Variants in NFIX observed in about 807,000 individuals in gnomAD.
NFIX encodes nuclear factor 1 X-type.
A neutral mutation model predicts 53.3 loss-of-function variants in NFIX; 2 were observed. The observed-to-expected ratio is 0.04, with a 90% confidence interval of 0.02 to 0.12. NFIX has a LOEUF of 0.12. Ranked by LOEUF, NFIX falls within the 10% of genes least tolerant of loss-of-function variation. The probability of loss-of-function intolerance (pLI) is 1.00; values close to 1 mark genes in which losing one functional copy is unlikely to be tolerated. For synonymous variants in NFIX, 244 were observed against 289.0 expected (o/e 0.84, Z 1.58); for missense variants, 310 against 674.5 (o/e 0.46, Z 5.99).
Position 13,036,012 on chromosome 19 carries a change from T to G in NFIX, c.559+10460T>G, listed in dbSNP as rs913271581. The stretch of plus-strand genomic sequence containing the variant: ...TGTACTGGTGTCTGAGTGGTTAGGA[T>G]CCCACTCTGGGGGATTCCTGCTGGT... On this transcript the variant is annotated intron_variant, in intron 2 of 10. Transcript: ENST00000592199. The surrounding 1 kb of genome is among the most constrained non-coding windows in gnomAD (Gnocchi z 4.7). Among the ~76,000 whole-genome samples, 7 of 152,168 alleles carry G rather than the reference T, an allele frequency of 4.6e-5. No individual in the cohort carries two copies. Among genetic ancestry groups the G allele is most frequent in the African/African-American group, 1.7e-4 (7 of 41,446 alleles).
chr19:13,024,770 G>A lies in NFIX; in HGVS notation c.28-251G>A. On this transcript the variant is annotated intron_variant, in intron 1 of 10. Coordinates refer to ENST00000592199, the MANE Select transcript of NFIX (RefSeq NM_001365902.3). ...AGAATAGGTGTGTGTAGAGGCTCCC[G>A]GTGCCTCTGTCTGGCTGCTGAGGCT... 4 of 1,508,102 alleles carry A rather than the reference G, an allele frequency of 2.7e-6. No homozygotes were observed. The East Asian group carries it at 7.4e-5, about 28-fold the overall frequency. The allele number at this position is 1,508,102 out of a possible 1,614,324, so 93.4% of individuals were successfully genotyped here.
chr19:13,025,565 C>A lies in NFIX; in HGVS notation c.559+13C>A. The A allele has an allele frequency of 6.3e-7, 1 of 1,597,848 alleles. No homozygotes were observed. Among genetic ancestry groups the A allele is most frequent in the South Asian group, 1.1e-5 (1 of 90,748 alleles). ...GTCCACACTCCGGGTAGGTCGTTCT[C>A]AACCATTTTTCCCTCTCATTTTATT... On this transcript the variant is annotated intron_variant, in intron 2 of 10. Coordinates refer to ENST00000592199, the MANE Select transcript of NFIX (RefSeq NM_001365902.3). This position sits in a 1 kb window ranked among gnomAD's most constrained non-coding sequence, Gnocchi z 7.5.
At chr19:13,039,230 A>C (rs55935906) in intron 2 of NFIX, among the ~76,000 whole-genome samples, 7,369 of 131,534 alleles carry the variant, frequency 0.056, 675 homozygotes, top group African/African-American at 0.25. Flanking sequence ...ACCCCCCCCC[A>C]CACACACACA....
chr19:13,003,350 C>T (rs922819756), intron 1 of NFIX, among the ~76,000 whole-genome samples: 14 of 152,162 alleles, frequency 9.2e-5, no homozygotes, highest in Non-Finnish European at 1.5e-4. Flanking sequence ...ACACGGGACA[C>T]GCGCAGTCAC....
Position 13,011,508 on chromosome 19 carries a change from G to A in NFIX, c.28-13513G>A, listed in dbSNP as rs1160508259. Among the ~76,000 whole-genome samples, 2 of 152,112 alleles carry A rather than the reference G, an allele frequency of 1.3e-5. No homozygotes were observed. The highest frequency in any genetic ancestry group is 2.9e-5 in the Non-Finnish European group (2 of 68,012). On this transcript the variant is annotated intron_variant, in intron 1 of 10. Coordinates refer to ENST00000592199, the MANE Select transcript of NFIX (RefSeq NM_001365902.3). The surrounding 1 kb of genome is among the most constrained non-coding windows in gnomAD (Gnocchi z 6.5). ...CGCATCATGGACTTCAGGAGTGAGG[G>A]TGGGTGGGTTTTGGAGGGGTGGGAG...
chr19:13,082,102 G>A (rs549087522), intron 8 of NFIX: 65 of 523,596 alleles, frequency 1.2e-4, no homozygotes, highest in Non-Finnish European at 1.9e-4. Context: ...GCTCAGTCAG[G>A]CTCCTTGCCT....
At chr19:13,017,762 C>T (rs938747194) in intron 1 of NFIX, among the ~76,000 whole-genome samples, 1 of 152,232 alleles carries the variant, frequency 6.6e-6, no homozygotes, top group Non-Finnish European at 1.5e-5. Flanking sequence ...GGGCACAGAC[C>T]TCATCTTCAC....
rs545191233 is a variant in NFIX, at chr19:13,067,439, G to A, written c.560-5608G>A. Reference sequence around the variant, plus strand: ...CTTTCTGGACGGCAAGAAGTGGTTAGTGGCACCTCCGTGTGTGTGCGCGCG... The same window carrying A: ...CTTTCTGGACGGCAAGAAGTGGTTAATGGCACCTCCGTGTGTGTGCGCGCG... On this transcript the variant is annotated intron_variant, in intron 2 of 10. Transcript: ENST00000592199. This position sits in a 1 kb window ranked among gnomAD's most constrained non-coding sequence, Gnocchi z 4.2. 3.3e-5 allele frequency among the ~76,000 whole-genome samples: 5 copies of A among 151,884 alleles called. No individual in the cohort carries two copies. Among genetic ancestry groups the A allele is most frequent in the Admixed American group, 1.3e-4 (2 of 15,246 alleles).
intron 1 of NFIX, among the ~76,000 whole-genome samples, chr19:13,010,396 G>A (rs1390814853): frequency 3.0e-4 from 46 of 152,256 alleles, no homozygotes; most frequent in Non-Finnish European, 1.5e-5. Flanking sequence ...CAACTCGGAC[G>A]TGCGCACGCA....
intron 8 of NFIX, among the ~76,000 whole-genome samples, chr19:13,082,976 C>T (rs954738307): frequency 2.0e-5 from 3 of 152,190 alleles, no homozygotes; most frequent in Non-Finnish European, 2.9e-5. Flanking sequence ...GCGGCGGGGC[C>T]GTGGCTCCGC....
At chr19:13,000,044 C>T (rs532782660) in intron 1 of NFIX, among the ~76,000 whole-genome samples, 1 of 152,358 alleles carries the variant, frequency 6.6e-6, no homozygotes, top group Non-Finnish European at 1.5e-5. Flanking sequence ...CAGGGTGCTC[C>T]AGTCTCTCTA....
intron 2 of NFIX, among the ~76,000 whole-genome samples, chr19:13,030,763 C>T (rs919850437): frequency 1.7e-4 from 26 of 152,210 alleles, no homozygotes; most frequent in Admixed American, 1.7e-3. Flanking sequence ...ATGATCAGAT[C>T]CTAGCCAGCC....
At chr19:12,997,183 C>T (rs769485971) in intron 1 of NFIX, among the ~76,000 whole-genome samples, 32 of 152,338 alleles carry the variant, frequency 2.1e-4, no homozygotes, top group Middle Eastern at 3.4e-3. Flanking sequence ...TGGGTCCTAC[C>T]GGGAGTGTGC....
At chr19:13,007,292 G>A (rs1025058579) in intron 1 of NFIX, among the ~76,000 whole-genome samples, 6 of 152,268 alleles carry the variant, frequency 3.9e-5, no homozygotes, top group East Asian at 1.9e-4. Context: ...GGTGGGGGCC[G>A]GGCCTGTGGA....
chr19:13,013,284 G>A lies in NFIX; in HGVS notation c.28-11737G>A, dbSNP rs943831540. On this transcript the variant is annotated intron_variant, in intron 1 of 10. Transcript: ENST00000592199. The surrounding 1 kb of genome is among the most constrained non-coding windows in gnomAD (Gnocchi z 5.9). ...GCGGACCCGACTTAACCTGTTGGTG[G>A]AGGAGGAAGCTGGCGTCGGGCTGAA... 6.6e-6 allele frequency among the ~76,000 whole-genome samples: 1 copy of A among 152,144 alleles called. No homozygotes were observed. The highest frequency in any genetic ancestry group is 2.4e-5 in the African/African-American group (1 of 41,424).
intron 5 of NFIX, 44 bp downstream of exon 5, chr19:13,074,070 C>A (rs1253618771): frequency 5.0e-6 from 8 of 1,610,124 alleles, no homozygotes; most frequent in South Asian, 2.2e-5. Flanking sequence ...TCCACTCCCC[C>A]CAGGGCCAGG....
In NFIX at chr19:13,084,608, T is replaced by C. The variant is rs1267816944; in HGVS notation, c.1254+2753T>C. ...TGCAAAGGGCAGTTAAGAGGATGCC[T>C]GGTTAGCTGTGTTTCAGGGAGAAGG... On this transcript the variant is annotated intron_variant, in intron 8 of 10. Transcript: ENST00000592199. 2.0e-5 allele frequency among the ~76,000 whole-genome samples: 3 copies of C among 152,156 alleles called. No individual in the cohort carries two copies. In the East Asian group the frequency reaches 5.8e-4, roughly 29 times the overall value.
chr19:13,024,586 G>A, intron 1 of NFIX: 2 of 1,536,184 alleles, frequency 1.3e-6, no homozygotes, highest in East Asian at 2.4e-5. Flanking sequence ...TGTGCAGACG[G>A]ACACTGTGCC....
At position 13,060,956 on chromosome 19, in the gene NFIX, T is replaced by A. The variant is rs1215523997; in HGVS notation, c.560-12091T>A. 6.6e-6 allele frequency among the ~76,000 whole-genome samples: 1 copy of A among 152,144 alleles called. No homozygotes were observed. Among genetic ancestry groups the A allele is most frequent in the Non-Finnish European group, 1.5e-5 (1 of 67,998 alleles). On this transcript the variant is annotated intron_variant, in intron 2 of 10. Transcript: ENST00000592199. This position sits in a 1 kb window ranked among gnomAD's most constrained non-coding sequence, Gnocchi z 4.3. The stretch of plus-strand genomic sequence containing the variant: ...ACTTTTATTCTCCATTTTTTCACTT[T>A]TTATGGGGATGGGGTAGAGATCTTC...
Sources: allele counts gnomAD v4.1 joint callset (sites outside exome capture counted in the v4.1 genomes callset), GRCh38; gene constraint gnomAD v4.1.1; non-coding constraint Gnocchi (gnomAD v3.1); transcripts MANE v1.5; gene names NCBI Gene and HGNC (gene_info 2026-07-23, HGNC 2026-07-21).